The following ASCC1 variants were observed in gnomAD, a reference collection of about 807,000 sequenced individuals.
ASCC1 encodes activating signal cointegrator 1 complex subunit 1.
Under a neutral mutation model 46.6 loss-of-function variants are expected in ASCC1, and 35 were observed. That is an observed-to-expected ratio of 0.75 (90% CI 0.57 to 0.99). The LOEUF (loss-of-function observed/expected upper bound fraction) is 0.99. ASCC1 is among the 50% of genes least tolerant of loss of function. The pLI is 0.00. For synonymous variants in ASCC1, 143 were observed against 146.6 expected, an observed-to-expected ratio of 0.98 and a Z score of 0.18; for missense variants, 376 against 428.7, an observed-to-expected ratio of 0.88 and a Z score of 1.09.
intron 4 of ASCC1, among the ~76,000 whole-genome samples, chr10:72,203,092 G>C (rs1415565102): frequency 3.3e-5 from 5 of 152,062 alleles, no homozygotes; most frequent in African/African-American, 1.2e-4. Flanking sequence ...TTCGAGACCA[G>C]CCTGACCAAC....
intron 9 of ASCC1, among the ~76,000 whole-genome samples, chr10:72,099,170 A>G (rs1424103387): frequency 1.3e-5 from 2 of 152,174 alleles, no homozygotes; most frequent in Non-Finnish European, 2.9e-5. Flanking sequence ...AGTAGTGGGG[A>G]GGCCACAGTG....
chr10:72,213,413 T>A, intron 1 of ASCC1, 82 bp from the exon 2 acceptor site: 1 of 753,524 alleles, frequency 1.3e-6, no homozygotes, highest in Non-Finnish European at 2.3e-6. Flanking sequence ...TATGCAGGTC[T>A]GAATTGGGCA....
intron 4 of ASCC1, among the ~76,000 whole-genome samples, chr10:72,199,998 G>A (rs1280567339): frequency 6.6e-6 from 1 of 152,082 alleles, no homozygotes; most frequent in African/African-American, 2.4e-5. Context: ...CTCCCAAAGT[G>A]TTGGGATTAC....
intron 7 of ASCC1, among the ~76,000 whole-genome samples, chr10:72,149,250 G>A (rs180670789): frequency 5.7e-4 from 86 of 151,922 alleles, no homozygotes; most frequent in South Asian, 1.9e-3. Context: ...CATCCTGGCT[G>A]ACACGGTGAA....
intron 5 of ASCC1, among the ~76,000 whole-genome samples, chr10:72,171,291 G>A (rs371727082): frequency 2.0e-4 from 30 of 152,270 alleles, no homozygotes; most frequent in African/African-American, 5.8e-4. Context: ...CATTCCTTGC[G>A]GAGGCTCCAG....
chr10:72,208,767 A>ATGTG (rs57724546), intron 3 of ASCC1, among the ~76,000 whole-genome samples: 1 of 151,180 alleles, frequency 6.6e-6, no homozygotes. Context: ...CTCAAAAAAA[A>ATGTG]TGTGTGTGTG....
chr10:72,161,748 A>C, intron 5 of ASCC1, 74 bp from the exon 6 acceptor site: 7 of 1,580,018 alleles, frequency 4.4e-6, no homozygotes, highest in Non-Finnish European at 6.1e-6. Context: ...TTGAGTCCCC[A>C]AAAATAAACC....
intron 5 of ASCC1, among the ~76,000 whole-genome samples, chr10:72,189,127 G>A (rs1391692340): frequency 3.3e-5 from 5 of 151,964 alleles, no homozygotes; most frequent in East Asian, 3.9e-4. Flanking sequence ...TAGGCCAGGC[G>A]CAGTGGCTCA....
chr10:72,098,558 T>G (rs995581852), intron 9 of ASCC1, among the ~76,000 whole-genome samples: 1 of 152,260 alleles, frequency 6.6e-6, no homozygotes, highest in African/African-American at 2.4e-5. Context: ...TCCCCAACGA[T>G]GCCTGAGGGG....
Position 72,137,453 on chromosome 10 carries a change from G to A in ASCC1, c.747-4272C>T, listed in dbSNP as rs561393848. ...TGAGGCAGGAGAATAGCTTGAACAC[G>A]TGAGGCGGAGGTCGCAGTGAGCCAA... is the stretch of plus-strand genomic sequence containing the variant. On this transcript the variant is annotated intron_variant, in intron 7 of 9. Coordinates refer to ENST00000672957, the MANE Select transcript of ASCC1 (RefSeq NM_001198800.3). Among the ~76,000 whole-genome samples the A allele has an allele frequency of 1.1e-3, 169 of 149,530 alleles. 1 individual carries two copies. The highest frequency in any genetic ancestry group is 0.01 in the Middle Eastern group (3 of 292).
chr10:72,164,039 TACA>T (rs1425576975), intron 5 of ASCC1, among the ~76,000 whole-genome samples: 1 of 152,132 alleles, frequency 6.6e-6, no homozygotes, highest in Non-Finnish European at 1.5e-5. Context: ...CTTGGCTCGC[TACA>T]ACTTTTGCCT....
At chr10:72,213,149 T>C (rs1249342113) in intron 2 of ASCC1, 38 bp downstream of exon 2, 2 of 1,413,082 alleles carry the variant, frequency 1.4e-6, no homozygotes, top group Admixed American at 1.7e-5. Flanking sequence ...ACACAGGACA[T>C]TTTACTTCTT....
chr10:72,213,115 CA>C (rs1485124970), intron 2 of ASCC1, 71 bp downstream of exon 2: 3 of 1,110,894 alleles, frequency 2.7e-6, no homozygotes, highest in African/African-American at 1.6e-5. Context: ...CACATTAAAA[CA>C]AACAAAAAAT....
At chr10:72,099,842 A>C (rs1346681141) in intron 9 of ASCC1, among the ~76,000 whole-genome samples, 7 of 151,356 alleles carry the variant, frequency 4.6e-5, no homozygotes, top group African/African-American at 1.7e-4. Context: ...CAAATAAACC[A>C]AAAAAAAAGC....
chr10:72,197,535 A>G (rs1855644516), intron 4 of ASCC1, among the ~76,000 whole-genome samples: 1 of 151,738 alleles, frequency 6.6e-6, no homozygotes, highest in South Asian at 2.1e-4. Context: ...AATGAATTCA[A>G]GTACTACAAA....
chr10:72,156,426 A>G (rs73274912), intron 6 of ASCC1, among the ~76,000 whole-genome samples: 3,743 of 152,290 alleles, frequency 0.025, 184 homozygotes, highest in African/African-American at 0.086. Context: ...CATAATACAC[A>G]TGCTATATTG....
chr10:72,185,588 C>G (rs1271334108), intron 5 of ASCC1, among the ~76,000 whole-genome samples: 1 of 152,084 alleles, frequency 6.6e-6, no homozygotes, highest in African/African-American at 2.4e-5. Flanking sequence ...ATTTAAAATT[C>G]TAGAAAAGGG....
At chr10:72,176,719 G>A (rs2132950523) in intron 5 of ASCC1, among the ~76,000 whole-genome samples, 1 of 152,144 alleles carries the variant, frequency 6.6e-6, no homozygotes, top group African/African-American at 2.4e-5. Context: ...CACAACTTGG[G>A]TGCCATGTCA....
chr10:72,151,600 A>G (rs892385579), intron 7 of ASCC1, among the ~76,000 whole-genome samples: 3 of 152,220 alleles, frequency 2.0e-5, no homozygotes, highest in South Asian at 2.1e-4. Flanking sequence ...ATAATAAAAA[A>G]AAGAGTAAAC....
Sources: gnomAD v4.1 joint callset for allele counts (sites outside exome capture counted in the v4.1 genomes callset) on GRCh38, gnomAD v4.1.1 for gene constraint, MANE v1.5 for transcripts, NCBI Gene and HGNC (gene_info 2026-07-23, HGNC 2026-07-21) for gene names.